Variants in OR3A2 observed in about 807,000 individuals in gnomAD.
The protein encoded by OR3A2 is olfactory receptor 3A2.
For synonymous variants in OR3A2, 126 were observed against 159.3 expected, an observed-to-expected ratio of 0.79 and a Z score of 1.57; for missense variants, 318 against 392.8, an observed-to-expected ratio of 0.81 and a Z score of 1.61.
chr17:3,337,423 C>A (rs1480200261), intron 2 of OR3A2, among the ~76,000 whole-genome samples: 1 of 152,154 alleles, frequency 6.6e-6, no homozygotes, highest in Non-Finnish European at 1.5e-5. Context: ...ATCCCTCCCC[C>A]ATCCCCCAAC....
chr17:3,300,293 T>A (rs150496461), intron 3 of OR3A2, among the ~76,000 whole-genome samples: 91 of 152,324 alleles, frequency 6.0e-4, no homozygotes, highest in African/African-American at 2.0e-3. Flanking sequence ...GAGCAGTGGC[T>A]TACGCCTGTA....
intron 3 of OR3A2, among the ~76,000 whole-genome samples, chr17:3,304,995 G>C (rs2048989732): frequency 6.6e-6 from 1 of 152,144 alleles, no homozygotes; most frequent in Non-Finnish European, 1.5e-5. Context: ...TTGTTTTTGA[G>C]TAGTCATTTT....
chr17:3,350,562 G>A (rs946326381), intron 2 of OR3A2, among the ~76,000 whole-genome samples: 57 of 151,212 alleles, frequency 3.8e-4, no homozygotes, highest in African/African-American at 1.4e-3. Flanking sequence ...ACCAAAAAGA[G>A]TCCAGGACCA....
intron 2 of OR3A2, among the ~76,000 whole-genome samples, chr17:3,380,490 G>T (rs2049725276): frequency 6.6e-6 from 1 of 152,218 alleles, no homozygotes. Context: ...TACCAGGATA[G>T]AATGGTGAGT....
rs1555530076 is a variant in OR3A2, at chr17:3,367,601, G to GTATATATATTATATATATA, written c.-179+16202_-179+16203insTATATATATAATATATATA. On this transcript the variant is annotated intron_variant, in intron 2 of 4. Coordinates refer to the OR3A2 transcript ENST00000573491. ...TGTATATGTATATGTGTGTGTGTGT[G>GTATATATATTATATATATA]TATATATATATATATATATATGCCA... Among the ~76,000 whole-genome samples the GTATATATATTATATATATA allele has an allele frequency of 8.7e-4, 106 of 122,520 alleles. 7 individuals are homozygous for GTATATATATTATATATATA. Among genetic ancestry groups the GTATATATATTATATATATA allele is most frequent in the Middle Eastern group, 7.8e-3 (2 of 256 alleles). The allele number at this position is 122,520 out of a possible 152,430, so 80.4% of individuals were successfully genotyped here. A position where few individuals can be genotyped will look rare whatever the true frequency, so the allele number is the denominator to read the frequency against.
At position 3,367,601 on chromosome 17, in the gene OR3A2, G is replaced by GTATATATATATATATA. The variant is rs553464584; in HGVS notation, c.-179+16187_-179+16202dup. On this transcript the variant is annotated intron_variant, in intron 2 of 4. Transcript: ENST00000573491. ...TGTATATGTATATGTGTGTGTGTGT[G>GTATATATATATATATA]TATATATATATATATATATATGCCA... 1.5e-3 allele frequency among the ~76,000 whole-genome samples: 189 copies of GTATATATATATATATA among 122,522 alleles called. 8 individuals carry two copies. Among genetic ancestry groups the GTATATATATATATATA allele is most frequent in the South Asian group, 5.0e-3 (19 of 3,820 alleles). 80.4% of individuals were successfully genotyped at this position (122,522 alleles called of 152,430 possible).
At chr17:3,334,424 C>T (rs1222386095) in intron 3 of OR3A2, among the ~76,000 whole-genome samples, 1 of 152,136 alleles carries the variant, frequency 6.6e-6, no homozygotes, top group Non-Finnish European at 1.5e-5. Flanking sequence ...TGGCTAATTT[C>T]ACCTAACATA....
chr17:3,282,299 C>A (rs556653423), intron 1 of OR3A2, among the ~76,000 whole-genome samples: 1 of 152,060 alleles, frequency 6.6e-6, no homozygotes, highest in African/African-American at 2.4e-5. Flanking sequence ...CCAGCTACTC[C>A]GGAGGCTGAG....
At chr17:3,319,837 C>T (rs999592774) in intron 3 of OR3A2, among the ~76,000 whole-genome samples, 1 of 152,108 alleles carries the variant, frequency 6.6e-6, no homozygotes, top group Non-Finnish European at 1.5e-5. Flanking sequence ...AATAAACATA[C>T]GTGTGCATGT....
chr17:3,361,274 G>A (rs1195610174), intron 2 of OR3A2, among the ~76,000 whole-genome samples: 1 of 151,164 alleles, frequency 6.6e-6, no homozygotes, highest in Non-Finnish European at 1.5e-5. Flanking sequence ...TGTATCCTGA[G>A]ACTTTGCTGA....
intron 2 of OR3A2, among the ~76,000 whole-genome samples, chr17:3,350,896 T>C (rs1385986338): frequency 6.7e-6 from 1 of 149,298 alleles, no homozygotes; most frequent in African/African-American, 2.5e-5. Flanking sequence ...AATCAATAAA[T>C]GTAATCCAGC....
At chr17:3,321,284 G>C (rs888366843) in intron 3 of OR3A2, among the ~76,000 whole-genome samples, 2 of 152,026 alleles carry the variant, frequency 1.3e-5, no homozygotes, top group African/African-American at 2.4e-5. Flanking sequence ...TTTGGGCTGA[G>C]ACAATGGAGT....
rs117151380 is a variant in OR3A2 at position 3,374,045 on chromosome 17, C to T, written c.-179+9759G>A. ...TCAGTCTGAGAAAGATTTTATCTCC[C>T]CTTTGTTCATGAAGTTTAGTTTTGC... On this transcript the variant is annotated intron_variant, in intron 2 of 4. Transcript: ENST00000573491. 1.6e-4 allele frequency among the ~76,000 whole-genome samples: 24 copies of T among 152,238 alleles called. No individual in the cohort carries two copies. The East Asian group carries it at 4.6e-3, about 29-fold the overall frequency.
chr17:3,319,840 G>A (rs374739266), intron 3 of OR3A2, among the ~76,000 whole-genome samples: 2 of 152,266 alleles, frequency 1.3e-5, no homozygotes, highest in East Asian at 3.9e-4. Flanking sequence ...AAACATACGT[G>A]TGCATGTGTC....
chr17:3,279,628 T>C (rs1409690661), intron 1 of OR3A2, among the ~76,000 whole-genome samples: 1 of 152,098 alleles, frequency 6.6e-6, no homozygotes, highest in Non-Finnish European at 1.5e-5. Context: ...ACCACATCTC[T>C]ACTACAAAAA....
intron 3 of OR3A2, among the ~76,000 whole-genome samples, chr17:3,312,691 CT>C (rs2049053874): frequency 6.6e-6 from 1 of 152,214 alleles, no homozygotes; most frequent in Non-Finnish European, 1.5e-5. Context: ...GCGGCACGAT[CT>C]TGGCTCACTG....
intron 1 of OR3A2, among the ~76,000 whole-genome samples, chr17:3,280,886 T>C (rs911658087): frequency 2.6e-5 from 4 of 152,196 alleles, no homozygotes; most frequent in African/African-American, 7.2e-5. Context: ...AAAGTGGGAA[T>C]TGAGTGCACG....
intron 3 of OR3A2, among the ~76,000 whole-genome samples, chr17:3,319,875 C>A (rs2049105417): frequency 6.6e-6 from 1 of 152,104 alleles, no homozygotes; most frequent in Non-Finnish European, 1.5e-5. Flanking sequence ...ATTTATAATC[C>A]TTTGGGTATA....
At position 3,368,028 on chromosome 17, in the gene OR3A2, T is replaced by C. The variant is rs561871197; in HGVS notation, c.-179+15776A>G. 4.1e-4 allele frequency among the ~76,000 whole-genome samples: 62 copies of C among 152,304 alleles called. 1 individual carries two copies. Among genetic ancestry groups the C allele is most frequent in the Non-Finnish European group, 1.8e-4 (12 of 68,014 alleles). On this transcript the variant is annotated intron_variant, in intron 2 of 4. Coordinates refer to the OR3A2 transcript ENST00000573491. ...ATTTTTTCCTATGTTTGCTGACCAT[T>C]TGTATATCTTTTGAGAATTGTCTAT...
Sources: gnomAD v4.1 joint callset for allele counts (sites outside exome capture counted in the v4.1 genomes callset) on GRCh38, gnomAD v4.1.1 for gene constraint, MANE v1.5 for transcripts, NCBI Gene and HGNC (gene_info 2026-07-23, HGNC 2026-07-21) for gene names.